Variants in LMTK2 observed in about 807,000 individuals in gnomAD.
LMTK2 encodes the protein serine/threonine-protein kinase LMTK2.
A neutral mutation model predicts 127.5 loss-of-function variants in LMTK2; 37 were observed. That is an observed-to-expected ratio of 0.29 (90% CI 0.22 to 0.38). LMTK2 has a LOEUF of 0.38. Among genes scored for constraint, LMTK2 ranks in the 10% least tolerant of loss-of-function variants. The probability of loss-of-function intolerance (pLI) is 1.00; values close to 1 mark genes in which losing one functional copy is unlikely to be tolerated. For missense variants in LMTK2, 1,694 were observed against 1,920.3 expected, an observed-to-expected ratio of 0.88 and a Z score of 2.20; for synonymous variants, 819 against 810.1, an observed-to-expected ratio of 1.01 and a Z score of -0.19.
chr7:98,120,206 G>A (rs547926527), intron 1 of LMTK2, among the ~76,000 whole-genome samples: 253 of 152,226 alleles, frequency 1.7e-3, no homozygotes, highest in Non-Finnish European at 2.2e-3. Context: ...CTATGATAGC[G>A]GTTTTTGAGA....
rs1048581957 is a variant in LMTK2, at chr7:98,206,148, A to G, written c.*656A>G. On this transcript the variant is annotated 3_prime_UTR_variant, in exon 14 of 14. Coordinates refer to ENST00000297293, the MANE Select transcript of LMTK2 (RefSeq NM_014916.4). The stretch of plus-strand genomic sequence containing the variant: ...ATATTTTGAGTGTTCTACTGTGTCT[A>G]GGATTGTTGGGATTGTACATATGGT... 6.6e-6 allele frequency: 1 copy of G among 152,480 alleles called. No homozygotes were observed. Among genetic ancestry groups the G allele is most frequent in the African/African-American group, 2.4e-5 (1 of 41,442 alleles). 9.4% of individuals were successfully genotyped at this position (152,480 alleles called of 1,614,324 possible). A position where few individuals can be genotyped will look rare whatever the true frequency, so the allele number is the denominator to read the frequency against.
At chr7:98,144,270 A>C (rs1289825351) in intron 3 of LMTK2, among the ~76,000 whole-genome samples, 2 of 151,956 alleles carry the variant, frequency 1.3e-5, no homozygotes, top group African/African-American at 4.8e-5. Flanking sequence ...CTCTACTAAA[A>C]ATACAAAAAA....
At chr7:98,182,582 A>G (rs1295535984) in intron 7 of LMTK2, among the ~76,000 whole-genome samples, 1 of 152,198 alleles carries the variant, frequency 6.6e-6, no homozygotes, top group African/African-American at 2.4e-5. Context: ...TCAAACAATA[A>G]TATGTTTTGG....
chr7:98,124,718 C>G (rs1399662324), intron 1 of LMTK2, among the ~76,000 whole-genome samples: 1 of 151,628 alleles, frequency 6.6e-6, no homozygotes, highest in Non-Finnish European at 1.5e-5. Flanking sequence ...CCCAGGAGTT[C>G]AAAGCTGCAG....
chr7:98,130,943 G>C (rs1441327268), intron 1 of LMTK2, among the ~76,000 whole-genome samples: 1 of 152,162 alleles, frequency 6.6e-6, no homozygotes, highest in Non-Finnish European at 1.5e-5. Context: ...TATGATATCT[G>C]CTTTCTTCCA....
In LMTK2 at chr7:98,145,190, T is replaced by A. The variant is rs571386499; in HGVS notation, c.376+3649T>A. Among the ~76,000 whole-genome samples the A allele has an allele frequency of 1.5e-4, 23 of 151,886 alleles. No homozygotes were observed. The East Asian group carries it at 4.3e-3, about 28-fold the overall frequency. ...GGTATCAATTCAAACTAGATTGTTATAAATTTAGGATGCTAACTGTAATCC... is the reference window on the plus strand; with the variant it reads ...GGTATCAATTCAAACTAGATTGTTAAAAATTTAGGATGCTAACTGTAATCC... On this transcript the variant is annotated intron_variant, in intron 3 of 13. Coordinates refer to ENST00000297293, the MANE Select transcript of LMTK2 (RefSeq NM_014916.4).
At chr7:98,121,531 G>A (rs982453554) in intron 1 of LMTK2, among the ~76,000 whole-genome samples, 1 of 151,940 alleles carries the variant, frequency 6.6e-6, no homozygotes, top group African/African-American at 2.4e-5. Flanking sequence ...AACTCGGGAG[G>A]CTGAGGCAGA....
chr7:98,157,363 A>G (rs1369231277), intron 5 of LMTK2, among the ~76,000 whole-genome samples: 1 of 152,150 alleles, frequency 6.6e-6, no homozygotes, highest in African/African-American at 2.4e-5. Context: ...ACACCCTCAC[A>G]GAAACATAAT....
At chr7:98,160,428 C>A (rs1374238542) in intron 6 of LMTK2, among the ~76,000 whole-genome samples, 1 of 152,206 alleles carries the variant, frequency 6.6e-6, no homozygotes, top group Non-Finnish European at 1.5e-5. Flanking sequence ...CCTCAAATAT[C>A]TGTGGCTCAT....
chr7:98,174,052 T>G (rs546664226), intron 7 of LMTK2, among the ~76,000 whole-genome samples: 4 of 149,056 alleles, frequency 2.7e-5, no homozygotes, highest in African/African-American at 9.9e-5. Flanking sequence ...CGAGATTCTG[T>G]CTCAAAAAAC....
At chr7:98,134,391 T>C (rs1005088312) in intron 1 of LMTK2, among the ~76,000 whole-genome samples, 1 of 152,226 alleles carries the variant, frequency 6.6e-6, no homozygotes, top group African/African-American at 2.4e-5. Flanking sequence ...CTTTTTATTC[T>C]CCCTTACAAT....
chr7:98,190,949 C>T (rs975355622), intron 10 of LMTK2, 72 bp downstream of exon 10: 35 of 1,424,498 alleles, frequency 2.5e-5, no homozygotes, highest in South Asian at 4.9e-5. Flanking sequence ...CAAAAAAATT[C>T]GTGGGCCAAA....
Position 98,132,529 on chromosome 7 carries a change from G to A in LMTK2, c.104-4786G>A, listed in dbSNP as rs113005113. On this transcript the variant is annotated intron_variant, in intron 1 of 13. Transcript: ENST00000297293. ...CTCCCAAAGTGCTGAGATTACAGGC[G>A]TGAGCCACCGCACCCAACCACCAAC... Among the ~76,000 whole-genome samples, 942 of 152,198 alleles carry A rather than the reference G, an allele frequency of 6.2e-3. 12 individuals carry two copies. Among genetic ancestry groups the A allele is most frequent in the African/African-American group, 0.022 (908 of 41,518 alleles).
In LMTK2 at chr7:98,208,239, G is replaced by C. The variant is rs1797838997; in HGVS notation, c.*2747G>C. On this transcript the variant is annotated 3_prime_UTR_variant, in exon 14 of 14. Transcript: ENST00000297293. ...AGTGGATCTTAGTGTGGTGTTGCAT[G>C]GAGGGGCGAGATTTTATATTTATAA... 1 of 152,116 alleles carries C rather than the reference G, an allele frequency of 6.6e-6. No individual in the cohort carries two copies. The highest frequency in any genetic ancestry group is 1.5e-5 in the Non-Finnish European group (1 of 68,028). The allele number at this position is 152,116 out of a possible 1,614,324, so 9.4% of individuals were successfully genotyped here.
Position 98,132,256 on chromosome 7 carries a change from CT to C in LMTK2, c.104-5047del, listed in dbSNP as rs60476028. Among the ~76,000 whole-genome samples the C allele has an allele frequency of 9.7e-4, 143 of 147,720 alleles. 1 individual carries two copies. Among genetic ancestry groups the C allele is most frequent in the Admixed American group, 2.2e-3 (33 of 14,818 alleles). On this transcript the variant is annotated intron_variant, in intron 1 of 13. Transcript: ENST00000297293. Reference sequence around the variant, plus strand: ...CTGCCAGAGGATGCTAGTGAACCAACTTTTTTTTTTTTGAGACGGAGTCTCA... The same window carrying C: ...CTGCCAGAGGATGCTAGTGAACCAACTTTTTTTTTTTGAGACGGAGTCTCA...
At chr7:98,158,579 TA>T (rs547704644) in intron 5 of LMTK2, among the ~76,000 whole-genome samples, 45 of 146,638 alleles carry the variant, frequency 3.1e-4, no homozygotes, top group South Asian at 6.5e-4. Flanking sequence ...TGGAAAATAT[TA>T]AAAAAAAAAA....
intron 1 of LMTK2, among the ~76,000 whole-genome samples, chr7:98,128,627 C>T (rs1796477178): frequency 6.6e-6 from 1 of 152,202 alleles, no homozygotes; most frequent in South Asian, 2.1e-4. Flanking sequence ...TGTTCCTAAA[C>T]ACACGTTGGC....
At chr7:98,152,410 G>T (rs565246564) in intron 4 of LMTK2, among the ~76,000 whole-genome samples, 1 of 152,294 alleles carries the variant, frequency 6.6e-6, no homozygotes, top group East Asian at 1.9e-4. Context: ...TCCCTTCAGC[G>T]TTGTCTGTAT....
At position 98,203,949 on chromosome 7, in the gene LMTK2, G is replaced by A; in HGVS notation, c.4246G>A (p.Gly1416Ser). 6.2e-7 allele frequency: 1 copy of A among 1,613,868 alleles called. No homozygotes were observed. Among genetic ancestry groups the A allele is most frequent in the Non-Finnish European group, 8.5e-7 (1 of 1,179,978 alleles). ...SESSTDEEGG[G>S]FEWDDDFSPD... ...GTTTTATTTTTTATTTCTAGGTGGT[G>A]GCTTTGAGTGGGATGATGACTTCTC... The change falls in exon 13 of 14, where the codon GGC (glycine) becomes AGC (serine). Residue 1416 changes from glycine (G) to serine (S), a missense_variant. This residue lies in a region of LMTK2 where 554 missense variants were observed against 567.7 expected (regional missense o/e 0.98). Transcript: ENST00000297293.
Sources: allele counts gnomAD v4.1 joint callset (sites outside exome capture counted in the v4.1 genomes callset), GRCh38; gene constraint gnomAD v4.1.1; regional missense constraint gnomAD v4.1.1; transcripts MANE v1.5; gene names NCBI Gene and HGNC (gene_info 2026-07-23, HGNC 2026-07-21).